The following GLT8D2 variants were observed in gnomAD, a reference collection of about 807,000 sequenced individuals.
GLT8D2 encodes the protein glycosyltransferase 8 domain containing 2.
Under a neutral mutation model 44.5 loss-of-function variants are expected in GLT8D2, and 45 were observed. The observed-to-expected ratio is 1.01, with a 90% CI of 0.80 to 1.30. The LOEUF is 1.30. GLT8D2 is among the 50% of genes most tolerant of loss of function. The probability of loss-of-function intolerance (pLI) is 0.00; values close to 1 mark genes in which losing one functional copy is unlikely to be tolerated. For synonymous variants in GLT8D2, 156 were observed against 157.2 expected (o/e 0.99, Z 0.06); for missense variants, 400 against 430.4 (o/e 0.93, Z 0.62).
chr12:103,989,623 C>A (rs772719598), intron 10 of GLT8D2, 46 bp from the exon 11 acceptor site: 5 of 1,451,680 alleles, frequency 3.4e-6, no homozygotes, highest in Non-Finnish European at 4.7e-6. Flanking sequence ...TAGAGAATAA[C>A]ATTTTTGTAT....
At chr12:104,010,247 A>C (rs958235613) in intron 4 of GLT8D2, among the ~76,000 whole-genome samples, 3 of 152,042 alleles carry the variant, frequency 2.0e-5, no homozygotes, top group Admixed American at 6.6e-5. Context: ...TCACTTCTCC[A>C]GCCTCACCTC....
Position 103,993,513 on chromosome 12 carries a change from T to A in GLT8D2, c.768-9A>T. 6.5e-7 allele frequency: 1 copy of A among 1,544,808 alleles called. No individual in the cohort carries two copies. The highest frequency in any genetic ancestry group is 8.7e-7 in the Non-Finnish European group (1 of 1,146,952). ...TGCTATAGAGGTTTTCCCTAAGAAA[T>A]GAAATAGAAAAACAACATTTGGCCT... On this transcript the variant is annotated splice_polypyrimidine_tract_variant and intron_variant, in intron 9 of 10. Coordinates refer to ENST00000360814, the MANE Select transcript of GLT8D2 (RefSeq NM_001384711.1).
intron 1 of GLT8D2, among the ~76,000 whole-genome samples, chr12:104,058,802 A>G (rs911414897): frequency 6.6e-6 from 1 of 152,236 alleles, no homozygotes; most frequent in African/African-American, 2.4e-5. Context: ...TAAAAAGTCT[A>G]GAGCAGCACT....
chr12:104,035,136 C>T (rs769000931), intron 1 of GLT8D2, among the ~76,000 whole-genome samples: 1 of 152,210 alleles, frequency 6.6e-6, no homozygotes, highest in Non-Finnish European at 1.5e-5. Context: ...ACAAAAAGGA[C>T]ATCCACACCA....
At chr12:103,995,863 C>T (rs1192036282) in intron 8 of GLT8D2, among the ~76,000 whole-genome samples, 2 of 152,188 alleles carry the variant, frequency 1.3e-5, no homozygotes, top group African/African-American at 4.8e-5. Flanking sequence ...TTTCTAAGAA[C>T]TTTACATGTA....
At chr12:104,007,856 T>C (rs1302219981) in intron 4 of GLT8D2, among the ~76,000 whole-genome samples, 1 of 152,194 alleles carries the variant, frequency 6.6e-6, no homozygotes, top group Non-Finnish European at 1.5e-5. Flanking sequence ...CTCATGGTAG[T>C]GAATAAGTCT....
In GLT8D2 at chr12:103,999,422, G is replaced by A. The variant is rs139258873; in HGVS notation, c.377C>T (p.Ser126Leu). 140 of 1,611,126 alleles carry A rather than the reference G, an allele frequency of 8.7e-5. No individual in the cohort carries two copies. The African/African-American group carries it at 1.6e-3, about 18-fold the overall frequency. Residue 126 changes from serine (S) to leucine (L), a missense_variant, in exon 6 of 11, where the codon TCA becomes TTA. Transcript: ENST00000360814. ...MVLKGKIRPD[S>L]SRPELLQPLN... ...AGGCTGGAGCAATTCAGGCCTCGATGAGTCTGGTCTGATCTTCCCTTTGAG... is the reference window on the plus strand; with the variant it reads ...AGGCTGGAGCAATTCAGGCCTCGATAAGTCTGGTCTGATCTTCCCTTTGAG...
chr12:104,012,695 C>T (rs1417762730), intron 4 of GLT8D2: 1 of 626,352 alleles, frequency 1.6e-6, no homozygotes, highest in Non-Finnish European at 2.8e-6. Flanking sequence ...TGAATTGTGT[C>T]CTCCAGAGTC....
chr12:104,015,118 T>C lies in GLT8D2; in HGVS notation c.20-13A>G. The C allele has an allele frequency of 1.3e-6, 2 of 1,593,142 alleles. No individual in the cohort carries two copies. Among genetic ancestry groups the C allele is most frequent in the Non-Finnish European group, 1.7e-6 (2 of 1,161,822 alleles). ...AGCACCTGATTAACTGAAATAGAAA[T>C]GGAAACACATTAACATTGAACCTAT... is the stretch of plus-strand genomic sequence containing the variant. On this transcript the variant is annotated splice_polypyrimidine_tract_variant and intron_variant, in intron 3 of 10. Transcript: ENST00000360814.
chr12:104,016,838 G>GAAAGAAAGAA (rs1876873885), intron 3 of GLT8D2, among the ~76,000 whole-genome samples: 1 of 136,622 alleles, frequency 7.3e-6, no homozygotes, highest in African/African-American at 2.8e-5. Context: ...AAGAAAGAAA[G>GAAAGAAAGAA]AAAGAAAGAA....
intron 1 of GLT8D2, among the ~76,000 whole-genome samples, chr12:104,046,531 G>A (rs979154638): frequency 2.6e-5 from 4 of 152,122 alleles, no homozygotes; most frequent in South Asian, 2.1e-4. Flanking sequence ...ACTTTCCATC[G>A]CTATGGTTGC....
intron 1 of GLT8D2, among the ~76,000 whole-genome samples, chr12:104,057,080 G>A (rs1162600545): frequency 6.6e-6 from 1 of 152,170 alleles, no homozygotes; most frequent in Non-Finnish European, 1.5e-5. Context: ...CTCCAGATGG[G>A]CATCCAGAGA....
Position 104,028,939 on chromosome 12 carries a change from G to GA in GLT8D2, c.-163-7449dup, listed in dbSNP as rs370832532. 1.9e-3 allele frequency among the ~76,000 whole-genome samples: 272 copies of GA among 143,954 alleles called. 1 individual carries two copies. Among genetic ancestry groups the GA allele is most frequent in the African/African-American group, 4.2e-3 (165 of 39,376 alleles). 94.4% of individuals were successfully genotyped at this position (143,954 alleles called of 152,430 possible). A position where few individuals can be genotyped will look rare whatever the true frequency, so the allele number is the denominator to read the frequency against. On this transcript the variant is annotated intron_variant, in intron 1 of 10. Transcript: ENST00000360814. ...TTCAAATATGTCAATATCATGAAAG[G>GA]AAAAAAAAAAACCACGTTGGGAACT...
intron 8 of GLT8D2, among the ~76,000 whole-genome samples, chr12:103,994,728 A>C (rs1159182466): frequency 6.6e-6 from 1 of 152,154 alleles, no homozygotes; most frequent in Middle Eastern, 3.2e-3. Context: ...TTCTCTAGCA[A>C]TAACTCCATA....
intron 1 of GLT8D2, among the ~76,000 whole-genome samples, chr12:104,055,687 T>C (rs144701065): frequency 2.6e-4 from 39 of 152,380 alleles, no homozygotes; most frequent in Non-Finnish European, 3.2e-4. Context: ...CATCATTTCT[T>C]CTTGCTAACT....
intron 1 of GLT8D2, among the ~76,000 whole-genome samples, chr12:104,033,694 T>C (rs1295438819): frequency 6.6e-6 from 1 of 152,148 alleles, no homozygotes; most frequent in Non-Finnish European, 1.5e-5. Context: ...GGGTGATGGA[T>C]TTGTTAATTA....
chr12:103,995,424 C>T (rs1246550491), intron 8 of GLT8D2, among the ~76,000 whole-genome samples: 5 of 152,196 alleles, frequency 3.3e-5, no homozygotes, highest in Admixed American at 6.5e-5. Context: ...TTGTTCTTCC[C>T]GCTTCCTGGA....
At chr12:103,994,207 T>C in intron 9 of GLT8D2, 128 bp downstream of exon 9, 1 of 779,272 alleles carries the variant, frequency 1.3e-6, no homozygotes, top group Non-Finnish European at 1.9e-6. Flanking sequence ...TTCTTAACAT[T>C]GCCTCTGTAA....
intron 4 of GLT8D2, among the ~76,000 whole-genome samples, chr12:104,010,655 A>G (rs1448213479): frequency 6.6e-6 from 1 of 152,182 alleles, no homozygotes; most frequent in Non-Finnish European, 1.5e-5. Flanking sequence ...ATACGATCTG[A>G]ATAGATGGGT....
Sources: gnomAD v4.1 joint callset for allele counts (sites outside exome capture counted in the v4.1 genomes callset) on GRCh38, gnomAD v4.1.1 for gene constraint, MANE v1.5 for transcripts, NCBI Gene and HGNC (gene_info 2026-07-23, HGNC 2026-07-21) for gene names.